The following VEZT variants were observed in gnomAD, a reference collection of about 807,000 sequenced individuals.
The protein encoded by VEZT is vezatin.
VEZT carries 39 observed loss-of-function variants against 79.9 expected under a neutral mutation model. That is an observed-to-expected ratio of 0.49 (90% CI 0.38 to 0.64). The LOEUF (loss-of-function observed/expected upper bound fraction) is 0.64, where lower values mean the gene tolerates loss of function less well. Ranked by LOEUF, VEZT falls within the 30% of genes least tolerant of loss-of-function variation. The pLI is 0.00. For synonymous variants in VEZT, 325 were observed against 327.6 expected (o/e 0.99, Z 0.09); for missense variants, 837 against 893.1 (o/e 0.94, Z 0.80).
intron 7 of VEZT, among the ~76,000 whole-genome samples, chr12:95,276,259 C>CTTT (rs35034660): frequency 2.3e-3 from 172 of 75,148 alleles, no homozygotes; most frequent in Non-Finnish European, 3.0e-3. Context: ...TAATTTTTTT[C>CTTT]TTTTTTTTTT....
At chr12:95,287,600 C>T (rs1390995878) in intron 8 of VEZT, 64 bp from the exon 9 acceptor site, 29 of 1,356,420 alleles carry the variant, frequency 2.1e-5, no homozygotes, top group East Asian at 1.1e-4. Flanking sequence ...AAATAAGCCT[C>T]GTAAATTATA....
intron 7 of VEZT, among the ~76,000 whole-genome samples, chr12:95,276,675 T>C (rs1286394297): frequency 6.6e-6 from 1 of 152,232 alleles, no homozygotes; most frequent in Non-Finnish European, 1.5e-5. Flanking sequence ...AAAACTTCCC[T>C]TGATACCGTG....
chr12:95,269,692 T>C (rs941102377), intron 5 of VEZT: 2 of 169,330 alleles, frequency 1.2e-5, no homozygotes, highest in Non-Finnish European at 2.5e-5. Context: ...TAATATATGT[T>C]AGCAAGCATA....
At chr12:95,293,485 A>C (rs572551603) in intron 9 of VEZT, among the ~76,000 whole-genome samples, 1 of 152,200 alleles carries the variant, frequency 6.6e-6, no homozygotes, top group Non-Finnish European at 1.5e-5. Flanking sequence ...TACCAAACAT[A>C]AATTTTAAGA....
chr12:95,271,584 T>C (rs545895299), intron 6 of VEZT, among the ~76,000 whole-genome samples: 4 of 152,204 alleles, frequency 2.6e-5, no homozygotes, highest in South Asian at 2.1e-4. Flanking sequence ...TGGAAAGAAA[T>C]AGAGATATGA....
At chr12:95,229,013 A>G (rs764154699) in intron 1 of VEZT, among the ~76,000 whole-genome samples, 17 of 152,214 alleles carry the variant, frequency 1.1e-4, no homozygotes, top group Non-Finnish European at 2.1e-4. Context: ...AAACAAAAAC[A>G]AAAACAAAAC....
chr12:95,264,099 T>G (rs1247171838), intron 4 of VEZT, among the ~76,000 whole-genome samples: 1 of 152,238 alleles, frequency 6.6e-6, no homozygotes, highest in African/African-American at 2.4e-5. Context: ...TATAGGCAGT[T>G]ACATTCATTG....
intron 3 of VEZT, among the ~76,000 whole-genome samples, chr12:95,261,979 C>G (rs916012547): frequency 1.3e-5 from 2 of 152,222 alleles, no homozygotes; most frequent in Admixed American, 1.3e-4. Context: ...TGTGCACAAT[C>G]TATTAATAAT....
intron 1 of VEZT, among the ~76,000 whole-genome samples, chr12:95,250,701 T>C (rs1377095900): frequency 6.6e-6 from 1 of 152,022 alleles, no homozygotes; most frequent in Non-Finnish European, 1.5e-5. Flanking sequence ...CAGTAGATTT[T>C]CATCCAGTAG....
chr12:95,273,554 GA>G (rs1566207414), intron 6 of VEZT, among the ~76,000 whole-genome samples: 2 of 152,066 alleles, frequency 1.3e-5, no homozygotes, highest in African/African-American at 2.4e-5. Flanking sequence ...TGAATCCTGT[GA>G]ATATACTACC....
intron 9 of VEZT, among the ~76,000 whole-genome samples, chr12:95,290,261 T>G (rs2072378899): frequency 6.6e-6 from 1 of 152,182 alleles, no homozygotes; most frequent in African/African-American, 2.4e-5. Context: ...CATCAAAATT[T>G]TAACCACTAT....
intron 9 of VEZT, among the ~76,000 whole-genome samples, chr12:95,289,434 A>G (rs2072079239): frequency 6.7e-6 from 1 of 148,876 alleles, no homozygotes; most frequent in African/African-American, 2.5e-5. Context: ...AAAAAAAAAA[A>G]AAAAAAAAGA....
rs2069415505 is a variant in VEZT, at chr12:95,282,423, G to A, written c.1107G>A (p.Leu369=). The change falls in exon 8 of 12, where the codon CTG becomes CTA. Residue 369 remains leucine (L), a synonymous_variant. Transcript: ENST00000436874. The stretch of plus-strand genomic sequence containing the variant: ...GGCCCTTACTTACTCCAGCACTTCT[G>A]CCTCATCGTATCTTATCTGATGTGA... ...PPGPLLTPAL[L]PHRILSDVTQ... 6.2e-7 allele frequency: 1 copy of A among 1,613,704 alleles called. No homozygotes were observed. Among genetic ancestry groups the A allele is most frequent in the Admixed American group, 1.7e-5 (1 of 59,982 alleles).
intron 1 of VEZT, among the ~76,000 whole-genome samples, chr12:95,238,238 C>A (rs1370388148): frequency 6.6e-6 from 1 of 152,036 alleles, no homozygotes; most frequent in African/African-American, 2.4e-5. Flanking sequence ...CAAGTTATAA[C>A]CTCTTTATGA....
chr12:95,279,486 G>A (rs2068516468), intron 7 of VEZT, among the ~76,000 whole-genome samples: 1 of 152,148 alleles, frequency 6.6e-6, no homozygotes, highest in South Asian at 2.1e-4. Flanking sequence ...TATCAGCTAT[G>A]GTTATCTCCT....
chr12:95,276,259 C>CTTTTTTTTTTTTTTTTTTTTTTTTT (rs35034660), intron 7 of VEZT, among the ~76,000 whole-genome samples: 2 of 75,156 alleles, frequency 2.7e-5, no homozygotes, highest in Admixed American at 2.0e-4. Context: ...TAATTTTTTT[C>CTTTTTTTTTTTTTTTTTTTTTTTTT]TTTTTTTTTT....
At chr12:95,288,254 A>G (rs10777682) in intron 9 of VEZT, among the ~76,000 whole-genome samples, 1 of 152,078 alleles carries the variant, frequency 6.6e-6, no homozygotes, top group Non-Finnish European at 1.5e-5. Context: ...AACTTTAGTC[A>G]TTCAAAAATA....
chr12:95,256,615 C>G, intron 2 of VEZT: 1 of 1,288,572 alleles, frequency 7.8e-7, no homozygotes, highest in Non-Finnish European at 1.0e-6. Context: ...AAGGAATGGG[C>G]TATTAAGGTA....
chr12:95,278,299 A>G (rs769893551), intron 7 of VEZT, among the ~76,000 whole-genome samples: 20 of 152,234 alleles, frequency 1.3e-4, no homozygotes, highest in Admixed American at 1.3e-4. Flanking sequence ...TGGTGATTAT[A>G]GCTAGATTCC....
Sources: gnomAD v4.1 joint callset for allele counts (sites outside exome capture counted in the v4.1 genomes callset) on GRCh38, gnomAD v4.1.1 for gene constraint, MANE v1.5 for transcripts, NCBI Gene and HGNC (gene_info 2026-07-23, HGNC 2026-07-21) for gene names.